SPOCK3: variants seen among roughly 807,000 people sequenced by gnomAD.
The protein encoded by SPOCK3 is SPARC (osteonectin), cwcv and kazal like domains proteoglycan 3.
SPOCK3 carries 30 observed loss-of-function variants against 56.6 expected under a neutral mutation model. The ratio of observed to expected loss-of-function variants is 0.53; its 90% CI spans 0.40 to 0.72. The LOEUF is 0.72. SPOCK3 is among the 30% of genes least tolerant of loss of function. The pLI is 0.00. For missense variants in SPOCK3, 527 were observed against 530.0 expected (o/e 0.99, Z 0.06); for synonymous variants, 196 against 183.3 (o/e 1.07, Z -0.56).
chr4:166,753,121 A>G (rs1736640550), intron 8 of SPOCK3, among the ~76,000 whole-genome samples: 1 of 151,988 alleles, frequency 6.6e-6, no homozygotes, highest in South Asian at 2.1e-4. Flanking sequence ...CTGTAGACAA[A>G]GCATTCTGAG....
rs1182301588 is a variant in SPOCK3, at chr4:167,234,152, G to A, written c.22C>T (p.Leu8=). The change falls in exon 2 of 11, where the codon CTG becomes TTG. Residue 8 remains leucine (L), a synonymous_variant. Coordinates refer to ENST00000357545, the MANE Select transcript of SPOCK3 (RefSeq NM_001040159.2). ...CACCAAGCGGCTGCACACACACACAGTACGGCTGACACCTTGAGCATCTGG... is the reference window on the plus strand; with the variant it reads ...CACCAAGCGGCTGCACACACACACAATACGGCTGACACCTTGAGCATCTGG... The part of the protein sequence containing the change: MLKVSAV[L]CVCAAAWCSQ... 1.9e-6 allele frequency: 3 copies of A among 1,613,240 alleles called. No homozygotes were observed. Among genetic ancestry groups the A allele is most frequent in the Admixed American group, 3.3e-5 (2 of 59,964 alleles).
At chr4:167,189,514 G>T (rs1475178497) in intron 2 of SPOCK3, among the ~76,000 whole-genome samples, 1 of 145,070 alleles carries the variant, frequency 6.9e-6, no homozygotes, top group Non-Finnish European at 1.5e-5. Flanking sequence ...AATAAAAATT[G>T]TATGTTTCAA....
chr4:166,844,427 G>T (rs1346777478), intron 6 of SPOCK3, among the ~76,000 whole-genome samples: 1 of 152,200 alleles, frequency 6.6e-6, no homozygotes, highest in Non-Finnish European at 1.5e-5. Context: ...CATAATTCTA[G>T]ATGGTTCTGT....
chr4:166,977,018 C>T (rs1746024776), intron 4 of SPOCK3, among the ~76,000 whole-genome samples: 1 of 151,782 alleles, frequency 6.6e-6, no homozygotes, highest in Non-Finnish European at 1.5e-5. Flanking sequence ...TAATAAAAGG[C>T]AGAGCAAAAA....
intron 6 of SPOCK3, among the ~76,000 whole-genome samples, chr4:166,792,814 A>G (rs901726696): frequency 3.3e-5 from 5 of 152,102 alleles, no homozygotes; most frequent in African/African-American, 1.2e-4. Context: ...AGAAACAGCT[A>G]TATAACTTGT....
intron 3 of SPOCK3, among the ~76,000 whole-genome samples, chr4:167,036,189 A>G (rs1013803570): frequency 1.7e-4 from 21 of 127,230 alleles, no homozygotes; most frequent in African/African-American, 8.2e-4. Context: ...TGGCTCAACT[A>G]TTTTGAGCTC....
chr4:166,949,057 T>C (rs943677453), intron 4 of SPOCK3, among the ~76,000 whole-genome samples: 2 of 152,156 alleles, frequency 1.3e-5, no homozygotes, highest in Non-Finnish European at 2.9e-5. Flanking sequence ...TATTCTTTTT[T>C]CTCTAAACTT....
chr4:166,930,946 C>T (rs955529721), intron 4 of SPOCK3, among the ~76,000 whole-genome samples: 1 of 152,122 alleles, frequency 6.6e-6, no homozygotes, highest in South Asian at 2.1e-4. Flanking sequence ...ATTAATGTCT[C>T]ATTCTACGTT....
At chr4:167,058,010 A>G (rs1755102463) in intron 3 of SPOCK3, among the ~76,000 whole-genome samples, 1 of 152,144 alleles carries the variant, frequency 6.6e-6, no homozygotes, top group Non-Finnish European at 1.5e-5. Context: ...CACCACACCT[A>G]TTCCAAAATT....
At chr4:166,745,317 G>A (rs62352831) in intron 8 of SPOCK3, among the ~76,000 whole-genome samples, 2 of 152,008 alleles carry the variant, frequency 1.3e-5, no homozygotes, top group African/African-American at 4.8e-5. Flanking sequence ...AGCCAGAAGA[G>A]AGTGGGGGCC....
intron 2 of SPOCK3, among the ~76,000 whole-genome samples, chr4:167,205,333 ATT>A (rs1491325829): frequency 6.7e-5 from 3 of 44,858 alleles, no homozygotes; most frequent in African/African-American, 2.0e-4. Flanking sequence ...TATAATATAT[ATT>A]ATATATTATA....
chr4:167,158,974 T>C (rs897855537), intron 2 of SPOCK3, among the ~76,000 whole-genome samples: 4 of 151,976 alleles, frequency 2.6e-5, no homozygotes. Flanking sequence ...CATACATACA[T>C]AGTTAGAACA....
At chr4:167,115,984 G>T (rs1761295634) in intron 2 of SPOCK3, among the ~76,000 whole-genome samples, 2 of 151,972 alleles carry the variant, frequency 1.3e-5, no homozygotes. Context: ...CTTCAGGTAG[G>T]AGGATATGAT....
intron 6 of SPOCK3, among the ~76,000 whole-genome samples, chr4:166,851,403 C>T (rs139162047): frequency 0.073 from 11,104 of 152,270 alleles, 544 homozygotes; most frequent in Non-Finnish European, 0.1. Flanking sequence ...CTCTAAAAAG[C>T]AGAGCGCCTC....
chr4:166,903,748 C>T lies in SPOCK3; in HGVS notation c.474+8872G>A, dbSNP rs140954472. Among the ~76,000 whole-genome samples the T allele has an allele frequency of 2.9e-3, 439 of 152,080 alleles. 2 individuals are homozygous for T. The highest frequency in any genetic ancestry group is 0.01 in the African/African-American group (416 of 41,510). ...GGCTTGCTTCAGATACAAAAACATACTTAATCCACTGTCAATTCACATAAC... is the reference window on the plus strand; with the variant it reads ...GGCTTGCTTCAGATACAAAAACATATTTAATCCACTGTCAATTCACATAAC... On this transcript the variant is annotated intron_variant, in intron 5 of 10. Coordinates refer to ENST00000357545, the MANE Select transcript of SPOCK3 (RefSeq NM_001040159.2).
Position 167,000,407 on chromosome 4 carries a change from A to T in SPOCK3, c.292T>A (p.Cys98Ser). ...GCAGTCTGAGAATCTTGAGCAATGC[A>T]TACTTTATGGCGACTACATTTCATC... ...LKMKCSRHKV[C>S]IAQDSQTAVC... is the part of the protein sequence containing the mutation. Residue 98 changes from cysteine (C) to serine (S), a missense_variant, in exon 4 of 11, where the codon TGC becomes AGC. By Grantham distance (112) the Cys-to-Ser change is moderately radical (BLOSUM62 -1). Transcript: ENST00000357545. The T allele has an allele frequency of 1.2e-6, 2 of 1,609,564 alleles. No homozygotes were observed. The highest frequency in any genetic ancestry group is 1.7e-6 in the Non-Finnish European group (2 of 1,177,530).
chr4:167,114,457 TA>T (rs1315013689), intron 2 of SPOCK3, among the ~76,000 whole-genome samples: 1 of 152,078 alleles, frequency 6.6e-6, no homozygotes, highest in Non-Finnish European at 1.5e-5. Context: ...CAAGATTAAA[TA>T]TACGAGCTCC....
At chr4:166,962,631 C>A (rs1250905342) in intron 4 of SPOCK3, among the ~76,000 whole-genome samples, 1 of 152,036 alleles carries the variant, frequency 6.6e-6, no homozygotes, top group Non-Finnish European at 1.5e-5. Flanking sequence ...TATCTAAATT[C>A]TAGAATATTA....
intron 3 of SPOCK3, among the ~76,000 whole-genome samples, chr4:167,039,277 T>G (rs1218228940): frequency 6.6e-6 from 1 of 152,230 alleles, no homozygotes; most frequent in Non-Finnish European, 1.5e-5. Flanking sequence ...AACCTCATCT[T>G]AACTTGATTA....
Sources: allele counts gnomAD v4.1 joint callset (sites outside exome capture counted in the v4.1 genomes callset), GRCh38; gene constraint gnomAD v4.1.1; transcripts MANE v1.5; gene names NCBI Gene and HGNC (gene_info 2026-07-23, HGNC 2026-07-21).